Variants in EIPR1 observed in about 807,000 individuals in gnomAD.
The protein encoded by EIPR1 is EARP complex and GARP complex interacting protein 1, also known as EARP and GARP complex-interacting protein 1.
In EIPR1, 25 loss-of-function variants were observed where a neutral mutation model predicts 48.1. The ratio of observed to expected loss-of-function variants is 0.52; its 90% CI spans 0.38 to 0.73. The LOEUF (loss-of-function observed/expected upper bound fraction) is 0.73, where lower values mean the gene tolerates loss of function less well. Ranked by LOEUF, EIPR1 falls within the 30% of genes least tolerant of loss-of-function variation. The probability of loss-of-function intolerance (pLI) is 0.00; values close to 1 mark genes in which losing one functional copy is unlikely to be tolerated. For missense variants in EIPR1, 415 were observed against 506.2 expected (o/e 0.82, Z 1.73); for synonymous variants, 204 against 201.9 (o/e 1.01, Z -0.09).
At chr2:3,243,754 C>T (rs1322285775) in intron 4 of EIPR1, among the ~76,000 whole-genome samples, 4 of 152,212 alleles carry the variant, frequency 2.6e-5, no homozygotes, top group Non-Finnish European at 5.9e-5. Flanking sequence ...AATCACCCAG[C>T]CCTCCATTCC....
At chr2:3,335,728 A>G (rs1171006188) in intron 3 of EIPR1, among the ~76,000 whole-genome samples, 1 of 152,062 alleles carries the variant, frequency 6.6e-6, no homozygotes, top group Non-Finnish European at 1.5e-5. Context: ...TGACAGTAAG[A>G]TCTGGTTGTT....
intron 5 of EIPR1, among the ~76,000 whole-genome samples, chr2:3,211,959 T>C (rs1665472211): frequency 6.6e-6 from 1 of 152,210 alleles, no homozygotes; most frequent in South Asian, 2.1e-4. Context: ...CTGCTAATGA[T>C]TATAAATGGC....
At position 3,229,567 on chromosome 2, in the gene EIPR1, A is replaced by G. The variant is rs1666172563; in HGVS notation, c.417-15319T>C. On this transcript the variant is annotated intron_variant, in intron 4 of 8. Coordinates refer to ENST00000382125, the MANE Select transcript of EIPR1 (RefSeq NM_003310.5). ...AATTTAATGCTGTGTCTTTTCTTAC[A>G]TTTCTGCAACCAGGCTGTTGAATGT... 5.9e-5 allele frequency among the ~76,000 whole-genome samples: 9 copies of G among 152,264 alleles called. No homozygotes were observed. The South Asian group carries it at 1.9e-3, about 32-fold the overall frequency.
At chr2:3,192,302 C>T in intron 8 of EIPR1, 112 bp downstream of exon 8, 2 of 1,271,894 alleles carry the variant, frequency 1.6e-6, no homozygotes, top group Non-Finnish European at 2.1e-6. Flanking sequence ...AGGAGAGTGT[C>T]CCCCAAATGC....
At chr2:3,225,153 T>TC (rs1358603868) in intron 4 of EIPR1, among the ~76,000 whole-genome samples, 5 of 152,098 alleles carry the variant, frequency 3.3e-5, no homozygotes, top group South Asian at 2.1e-4. Context: ...GTTGGCTTTT[T>TC]CCCCCCCAGA....
intron 3 of EIPR1, among the ~76,000 whole-genome samples, chr2:3,301,699 G>A (rs188240615): frequency 2.0e-5 from 3 of 152,322 alleles, no homozygotes; most frequent in East Asian, 1.9e-4. Flanking sequence ...TCATTTCAGA[G>A]ACTGATTAAA....
chr2:3,258,908 T>C (rs1667244370), intron 3 of EIPR1, among the ~76,000 whole-genome samples: 1 of 152,144 alleles, frequency 6.6e-6, no homozygotes, highest in Admixed American at 6.5e-5. Context: ...CAGTTCTGTC[T>C]ACAAGGGAAT....
At chr2:3,308,344 T>C (rs1669015283) in intron 3 of EIPR1, among the ~76,000 whole-genome samples, 1 of 151,288 alleles carries the variant, frequency 6.6e-6, no homozygotes, top group Non-Finnish European at 1.5e-5. Context: ...TTGAAACAAA[T>C]AAAGGGAAAA....
chr2:3,277,286 T>TGTCTCCACC (rs1667881289), intron 3 of EIPR1, among the ~76,000 whole-genome samples: 1 of 130,610 alleles, frequency 7.7e-6, no homozygotes, highest in African/African-American at 3.0e-5. Context: ...CTGTCTCCAC[T>TGTCTCCACC]CACACGGCTC....
chr2:3,348,108 G>A (rs140716582), intron 2 of EIPR1, among the ~76,000 whole-genome samples: 12 of 152,262 alleles, frequency 7.9e-5, no homozygotes, highest in African/African-American at 2.2e-4. Context: ...AATCAGAGGC[G>A]CTGCAGGAAC....
At chr2:3,299,466 C>G (rs899027030) in intron 3 of EIPR1, among the ~76,000 whole-genome samples, 1 of 152,166 alleles carries the variant, frequency 6.6e-6, no homozygotes, top group Non-Finnish European at 1.5e-5. Context: ...TTACGAATAT[C>G]TCCTTCTCTT....
chr2:3,341,786 C>T (rs907797433), intron 2 of EIPR1, among the ~76,000 whole-genome samples: 3 of 151,968 alleles, frequency 2.0e-5, no homozygotes, highest in Non-Finnish European at 4.4e-5. Context: ...AAGATGTCCC[C>T]AGTAGCACAT....
chr2:3,242,740 C>T (rs1051429252), intron 4 of EIPR1, among the ~76,000 whole-genome samples: 10 of 152,214 alleles, frequency 6.6e-5, no homozygotes, highest in Admixed American at 4.6e-4. Context: ...TATGTCATTG[C>T]TTACCAGTTG....
chr2:3,272,770 T>C (rs557205228), intron 3 of EIPR1, among the ~76,000 whole-genome samples: 72 of 152,120 alleles, frequency 4.7e-4, no homozygotes, highest in African/African-American at 1.7e-3. Context: ...AGCTGGCACA[T>C]GTAATTGAAA....
At chr2:3,247,251 A>G (rs1346352330) in intron 4 of EIPR1, among the ~76,000 whole-genome samples, 1 of 152,186 alleles carries the variant, frequency 6.6e-6, no homozygotes, top group African/African-American at 2.4e-5. Context: ...CACTTGGGAA[A>G]CGGAGCACAA....
In EIPR1 at chr2:3,188,996, T is replaced by G. The variant is rs1051759831; in HGVS notation, c.*338A>C. On this transcript the variant is annotated 3_prime_UTR_variant, in exon 9 of 9. Coordinates refer to ENST00000382125, the MANE Select transcript of EIPR1 (RefSeq NM_003310.5). ...GCAGCGTGGATTTATTTTATTTCAT[T>G]TTTTACTCTCAAGAGAAAGAAGAGT... 3 of 194,580 alleles carry G rather than the reference T, an allele frequency of 1.5e-5. No homozygotes were observed. The highest frequency in any genetic ancestry group is 2.1e-5 in the Non-Finnish European group (2 of 96,420). The allele number at this position is 194,580 out of a possible 1,614,324, so 12.1% of individuals were successfully genotyped here.
intron 3 of EIPR1, among the ~76,000 whole-genome samples, chr2:3,328,894 G>A (rs111733233): frequency 3.7e-3 from 262 of 70,334 alleles, no homozygotes; most frequent in East Asian, 0.011. Flanking sequence ...TAATGATCTC[G>A]GGGTGCCAGC....
intron 5 of EIPR1, among the ~76,000 whole-genome samples, chr2:3,205,116 G>A (rs1260755558): frequency 6.6e-6 from 1 of 152,196 alleles, no homozygotes; most frequent in African/African-American, 2.4e-5. Flanking sequence ...TGAAGCACCT[G>A]GTGCAGGCGT....
At chr2:3,346,896 C>T (rs953830221) in intron 2 of EIPR1, among the ~76,000 whole-genome samples, 8 of 152,286 alleles carry the variant, frequency 5.3e-5, no homozygotes, top group East Asian at 1.9e-4. Context: ...TTGTCCCTTT[C>T]GAAATCTCAT....
Sources: gnomAD v4.1 joint callset for allele counts (sites outside exome capture counted in the v4.1 genomes callset) on GRCh38, gnomAD v4.1.1 for gene constraint, MANE v1.5 for transcripts, NCBI Gene and HGNC (gene_info 2026-07-23, HGNC 2026-07-21) for gene names.